PIGB: variants seen among roughly 807,000 people sequenced by gnomAD.
The protein encoded by PIGB is GPI alpha-1,2-mannosyltransferase 3.
Under a neutral mutation model 68.4 loss-of-function variants are expected in PIGB, and 58 were observed. The observed-to-expected ratio is 0.85, with a 90% confidence interval of 0.69 to 1.06. The LOEUF (loss-of-function observed/expected upper bound fraction) is 1.06. PIGB is among the 50% of genes least tolerant of loss of function. PIGB has a pLI of 0.00. For synonymous variants in PIGB, 219 were observed against 220.5 expected, an observed-to-expected ratio of 0.99 and a Z score of 0.06; for missense variants, 634 against 655.8, an observed-to-expected ratio of 0.97 and a Z score of 0.36.
rs1171189608 is a variant in PIGB, at chr15:55,354,940, T to C, written c.1480T>C (p.Leu494=). Residue 494 remains leucine, a synonymous_variant, in exon 11 of 12, where the codon TTG becomes CTG. Transcript: ENST00000164305. ...LHREFHDDAS[L]PTHLITFSIL... is the part of the protein sequence containing the mutation. ...TAGAGAGTTTCATGATGATGCATCA[T>C]TGCCTACTCACTTGATCACCTTCAG... 1.2e-6 allele frequency: 2 copies of C among 1,613,002 alleles called. No homozygotes were observed. Among genetic ancestry groups the C allele is most frequent in the African/African-American group, 1.3e-5 (1 of 74,888 alleles).
chr15:55,334,496 A>G (rs2055491362), intron 6 of PIGB, among the ~76,000 whole-genome samples: 1 of 152,176 alleles, frequency 6.6e-6, no homozygotes, highest in Non-Finnish European at 1.5e-5. Flanking sequence ...TAACTACACT[A>G]TGAGCTCCTA....
At chr15:55,320,147 TG>T (rs2055129261) in intron 1 of PIGB, 127 bp from the exon 2 acceptor site, 1 of 646,058 alleles carries the variant, frequency 1.5e-6, no homozygotes, top group African/African-American at 1.8e-5. Flanking sequence ...GCTTTAAGAA[TG>T]GTGTGGAGGG....
At chr15:55,342,405 T>G (rs963705908) in intron 9 of PIGB, among the ~76,000 whole-genome samples, 2 of 152,212 alleles carry the variant, frequency 1.3e-5, no homozygotes, top group African/African-American at 2.4e-5. Flanking sequence ...TATTATTATC[T>G]TTTTAGACAG....
intron 9 of PIGB, among the ~76,000 whole-genome samples, chr15:55,349,137 C>G (rs2055869573): frequency 1.3e-5 from 2 of 151,776 alleles, no homozygotes; most frequent in Non-Finnish European, 2.9e-5. Flanking sequence ...CCTGCCTTGT[C>G]CTCCCAAAGT....
At chr15:55,340,374 T>G (rs1294454541) in intron 7 of PIGB, 1 of 219,026 alleles carries the variant, frequency 4.6e-6, no homozygotes, top group Admixed American at 5.8e-5. Flanking sequence ...GAGAATGGCG[T>G]GAACCCGCGA....
chr15:55,327,578 T>C lies in PIGB; in HGVS notation c.465T>C (p.Asp155=). ...LAQALLSAVA[D]VRLYSLMKQL... is the part of the protein sequence containing the mutation. ...AAGCACTTCTGTCTGCTGTAGCAGA[T>C]GTGAGACTTTACTCATTAATGAAGC... The change falls in exon 4 of 12, where the codon GAT becomes GAC. Residue 155 remains aspartate, a synonymous_variant. Transcript: ENST00000164305. 1 of 1,612,558 alleles carries C rather than the reference T, an allele frequency of 6.2e-7. No individual in the cohort carries two copies. Among genetic ancestry groups the C allele is most frequent in the Non-Finnish European group, 8.5e-7 (1 of 1,179,354 alleles).
intron 9 of PIGB, among the ~76,000 whole-genome samples, chr15:55,345,516 T>G (rs1347309850): frequency 6.6e-6 from 1 of 152,168 alleles, no homozygotes; most frequent in Non-Finnish European, 1.5e-5. Context: ...CCTAGCACTT[T>G]GGGAGGCTGA....
chr15:55,345,276 C>T (rs535687508), intron 9 of PIGB, among the ~76,000 whole-genome samples: 1 of 152,144 alleles, frequency 6.6e-6, no homozygotes, highest in South Asian at 2.1e-4. Flanking sequence ...AATTGTTCCC[C>T]TGCTCTCCCT....
chr15:55,351,951 CTTT>C (rs551615501), intron 10 of PIGB: 28 of 127,026 alleles, frequency 2.2e-4, no homozygotes, highest in Non-Finnish European at 3.0e-4. Context: ...AACTAGACTT[CTTT>C]TTTTTTTTTT....
chr15:55,320,512 T>A, intron 2 of PIGB, 102 bp downstream of exon 2: 6 of 1,062,720 alleles, frequency 5.6e-6, no homozygotes, highest in Non-Finnish European at 8.1e-6. Context: ...TCGTCTTCAG[T>A]AGATAGTTTC....
intron 9 of PIGB, chr15:55,350,088 C>A (rs542179909): frequency 2.6e-4 from 39 of 152,214 alleles, no homozygotes; most frequent in African/African-American, 9.4e-4. Context: ...AAAAATTGTT[C>A]AGCATCTCCA....
intron 6 of PIGB, among the ~76,000 whole-genome samples, chr15:55,338,429 T>C (rs1257302553): frequency 6.6e-6 from 1 of 152,112 alleles, no homozygotes. Flanking sequence ...AAGTACTGCT[T>C]GAGGCCCGGA....
Position 55,350,895 on chromosome 15 carries a change from C to T in PIGB, c.1320C>T (p.His440=). 6.3e-7 allele frequency: 1 copy of T among 1,575,630 alleles called. No individual in the cohort carries two copies. Among genetic ancestry groups the T allele is most frequent in the Non-Finnish European group, 8.7e-7 (1 of 1,146,008 alleles). ...SASIFIMMPC[H]STPYYSHVHC... is the part of the protein sequence containing the mutation. ...CAATATTTATAATGATGCCTTGCCA[C>T]TCTACTCCTTATTACAGGTAATAAA... The change falls in exon 10 of 12, where the codon CAC becomes CAT. Residue 440 remains histidine (H), a synonymous_variant. Coordinates refer to ENST00000164305, the MANE Select transcript of PIGB (RefSeq NM_004855.5).
At chr15:55,350,115 T>C (rs1381480473) in intron 9 of PIGB, 2 of 152,236 alleles carry the variant, frequency 1.3e-5, no homozygotes, top group South Asian at 2.1e-4. Context: ...CTGACTGTAG[T>C]GGGAAAACAA....
At chr15:55,335,682 C>G (rs2055518463) in intron 6 of PIGB, among the ~76,000 whole-genome samples, 1 of 151,884 alleles carries the variant, frequency 6.6e-6, no homozygotes, top group Non-Finnish European at 1.5e-5. Flanking sequence ...GACACTGGAG[C>G]CAAAACTTAA....
At chr15:55,351,308 C>T (rs1395756628) in intron 10 of PIGB, among the ~76,000 whole-genome samples, 2 of 151,684 alleles carry the variant, frequency 1.3e-5, no homozygotes, top group Non-Finnish European at 2.9e-5. Context: ...GGGGTTTCAC[C>T]GTGTTAGCCA....
intron 9 of PIGB, among the ~76,000 whole-genome samples, chr15:55,345,494 G>A (rs2055771081): frequency 6.6e-6 from 1 of 152,158 alleles, no homozygotes; most frequent in South Asian, 2.1e-4. Context: ...GCCAGTGGCT[G>A]ACGCCTGTAA....
At chr15:55,326,263 T>C (rs1021902718) in intron 3 of PIGB, among the ~76,000 whole-genome samples, 1 of 151,834 alleles carries the variant, frequency 6.6e-6, no homozygotes, top group Non-Finnish European at 1.5e-5. Context: ...TTATATCTTA[T>C]TATCTTATAC....
At chr15:55,340,919 C>A in intron 8 of PIGB, 96 bp downstream of exon 8, 1 of 793,816 alleles carries the variant, frequency 1.3e-6, no homozygotes, top group South Asian at 1.9e-5. Context: ...TTGGAGGTGC[C>A]ATTAACTTTT....
Sources: allele counts gnomAD v4.1 joint callset (sites outside exome capture counted in the v4.1 genomes callset), GRCh38; gene constraint gnomAD v4.1.1; transcripts MANE v1.5; gene names NCBI Gene and HGNC (gene_info 2026-07-23, HGNC 2026-07-21).